The following GHR variants were observed in gnomAD, a reference collection of about 807,000 sequenced individuals.
GHR encodes the protein growth hormone receptor, also known as GH receptor.
In GHR, 35 loss-of-function variants were observed where a neutral mutation model predicts 67.1. That is an observed-to-expected ratio of 0.52 (90% CI 0.40 to 0.69). The LOEUF is 0.69. Ranked by LOEUF, GHR falls within the 30% of genes least tolerant of loss-of-function variation. GHR has a pLI of 0.00. For synonymous variants in GHR, 272 were observed against 269.1 expected, an observed-to-expected ratio of 1.01 and a Z score of -0.10; for missense variants, 792 against 764.6, an observed-to-expected ratio of 1.04 and a Z score of -0.42.
At chr5:42,527,154 T>G (rs1321674755) in intron 1 of GHR, among the ~76,000 whole-genome samples, 2 of 152,080 alleles carry the variant, frequency 1.3e-5, no homozygotes, top group Non-Finnish European at 2.9e-5. Flanking sequence ...AGTGACACTA[T>G]AAAGCAACCA....
intron 1 of GHR, among the ~76,000 whole-genome samples, chr5:42,532,566 C>A (rs1748023453): frequency 6.6e-6 from 1 of 152,066 alleles, no homozygotes; most frequent in African/African-American, 2.4e-5. Flanking sequence ...CTCTGCCACC[C>A]CAGAGAAAAC....
intron 3 of GHR, among the ~76,000 whole-genome samples, chr5:42,650,104 G>A (rs891875375): frequency 5.9e-5 from 9 of 152,002 alleles, no homozygotes; most frequent in Admixed American, 3.9e-4. Context: ...CGTGGGTGAC[G>A]GGAACTGTCA....
At chr5:42,702,765 C>T (rs1342644550) in intron 6 of GHR, among the ~76,000 whole-genome samples, 1 of 151,896 alleles carries the variant, frequency 6.6e-6, no homozygotes, top group African/African-American at 2.4e-5. Flanking sequence ...TCTATGCCTT[C>T]TGTGAGCTGA....
intron 1 of GHR, among the ~76,000 whole-genome samples, chr5:42,480,099 T>C (rs1262855399): frequency 6.6e-6 from 1 of 152,230 alleles, no homozygotes; most frequent in Non-Finnish European, 1.5e-5. Context: ...TTTGTTCTTG[T>C]TGCTTTCAAA....
chr5:42,675,161 A>C (rs925318856), intron 3 of GHR, among the ~76,000 whole-genome samples: 9 of 152,216 alleles, frequency 5.9e-5, no homozygotes, highest in Non-Finnish European at 1.0e-4. Context: ...GCTTATGCAG[A>C]ATACACTTTT....
intron 1 of GHR, among the ~76,000 whole-genome samples, chr5:42,533,641 A>T (rs943000002): frequency 5.3e-5 from 8 of 151,476 alleles, no homozygotes; most frequent in African/African-American, 1.5e-4. Flanking sequence ...GCATAAATCA[A>T]TTTTTTTTAC....
intron 3 of GHR, among the ~76,000 whole-genome samples, chr5:42,688,187 G>A (rs1037586403): frequency 5.3e-5 from 8 of 152,168 alleles, no homozygotes; most frequent in Admixed American, 2.6e-4. Flanking sequence ...GCATGCTGTG[G>A]TTCCCACACT....
intron 3 of GHR, chr5:42,646,491 T>A (rs1054877623): frequency 6.3e-6 from 2 of 319,336 alleles, no homozygotes; most frequent in African/African-American, 4.4e-5. Flanking sequence ...AAAAGGCAGA[T>A]CTAAAATACA....
Position 42,445,109 on chromosome 5 carries a change from C to T in GHR, c.-12+21154C>T, listed in dbSNP as rs536450547. 9.2e-5 allele frequency among the ~76,000 whole-genome samples: 14 copies of T among 152,296 alleles called. No individual in the cohort carries two copies. The South Asian group carries it at 1.2e-3, about 14-fold the overall frequency. On this transcript the variant is annotated intron_variant, in intron 1 of 9. Transcript: ENST00000230882. ...CCTCATTGTCATTTTTAAATTTCAT[C>T]GAAGAGCTATACATTGAATTTTTTG...
intron 2 of GHR, among the ~76,000 whole-genome samples, chr5:42,567,843 G>T (rs996774017): frequency 1.7e-4 from 26 of 151,362 alleles, no homozygotes; most frequent in Non-Finnish European, 3.5e-4. Flanking sequence ...TCTAATGAAT[G>T]GGTTCATGGG....
chr5:42,556,637 G>A (rs1431438430), intron 1 of GHR, among the ~76,000 whole-genome samples: 1 of 152,152 alleles, frequency 6.6e-6, no homozygotes, highest in African/African-American at 2.4e-5. Context: ...GGAATATACT[G>A]TTCAAATAAG....
chr5:42,527,339 A>T (rs532373072), intron 1 of GHR, among the ~76,000 whole-genome samples: 62 of 152,304 alleles, frequency 4.1e-4, no homozygotes, highest in African/African-American at 1.5e-3. Flanking sequence ...CCCATCTCAC[A>T]TAGCCTCAAA....
At chr5:42,479,577 T>A (rs1745514195) in intron 1 of GHR, among the ~76,000 whole-genome samples, 1 of 152,238 alleles carries the variant, frequency 6.6e-6, no homozygotes, top group South Asian at 2.1e-4. Context: ...GTTATTGGTC[T>A]ATTCAGAGAT....
chr5:42,684,458 C>G (rs1757039260), intron 3 of GHR, among the ~76,000 whole-genome samples: 1 of 152,152 alleles, frequency 6.6e-6, no homozygotes, highest in Non-Finnish European at 1.5e-5. Context: ...TAATTACTAA[C>G]TTTGTAGAAG....
chr5:42,607,342 C>G (rs1003194940), intron 2 of GHR, among the ~76,000 whole-genome samples: 1 of 152,070 alleles, frequency 6.6e-6, no homozygotes, highest in East Asian at 1.9e-4. Flanking sequence ...TGGTCCCAAC[C>G]CTTTAACTTC....
intron 1 of GHR, among the ~76,000 whole-genome samples, chr5:42,443,534 T>C (rs964317603): frequency 1.1e-4 from 17 of 152,146 alleles, no homozygotes; most frequent in African/African-American, 3.4e-4. Flanking sequence ...ATGATTCAGG[T>C]AGACATGGAG....
chr5:42,682,969 T>A (rs1756960305), intron 3 of GHR, among the ~76,000 whole-genome samples: 1 of 152,032 alleles, frequency 6.6e-6, no homozygotes, highest in South Asian at 2.1e-4. Context: ...ACATTGTTGT[T>A]GGCAGGATTC....
intron 3 of GHR, among the ~76,000 whole-genome samples, chr5:42,641,584 A>C (rs977168633): frequency 1.3e-5 from 2 of 152,076 alleles, no homozygotes; most frequent in Admixed American, 1.3e-4. Context: ...AGGGAAGGGA[A>C]TATTTCCCAC....
At chr5:42,489,174 G>A (rs981688101) in intron 1 of GHR, among the ~76,000 whole-genome samples, 2 of 151,296 alleles carry the variant, frequency 1.3e-5, no homozygotes, top group African/African-American at 2.4e-5. Context: ...TTTTGTTCTC[G>A]TTCTGTCCTA....
Sources: allele counts gnomAD v4.1 joint callset (sites outside exome capture counted in the v4.1 genomes callset), GRCh38; gene constraint gnomAD v4.1.1; transcripts MANE v1.5; gene names NCBI Gene and HGNC (gene_info 2026-07-23, HGNC 2026-07-21).